The following PCDH15 variants were observed in gnomAD, a reference collection of about 807,000 sequenced individuals.
The protein encoded by PCDH15 is protocadherin related 15.
A neutral mutation model predicts 178.5 loss-of-function variants in PCDH15; 129 were observed. The observed-to-expected ratio is 0.72, with a 90% CI of 0.63 to 0.84. The LOEUF is 0.84. PCDH15 is among the 40% of genes least tolerant of loss of function. The probability of loss-of-function intolerance (pLI) is 0.00; values close to 1 mark genes in which losing one functional copy is unlikely to be tolerated. For synonymous variants in PCDH15, 800 were observed against 732.0 expected, an observed-to-expected ratio of 1.09 and a Z score of -1.50; for missense variants, 2,230 against 2,099.9, an observed-to-expected ratio of 1.06 and a Z score of -1.21.
At chr10:54,870,735 G>C (rs1017382090) in intron 3 of PCDH15, among the ~76,000 whole-genome samples, 4 of 151,938 alleles carry the variant, frequency 2.6e-5, no homozygotes, top group South Asian at 4.2e-4. Context: ...GCAGTGAGCC[G>C]AGATCGCACC....
At chr10:53,894,827 C>T (rs2081839890) in intron 26 of PCDH15, among the ~76,000 whole-genome samples, 1 of 152,128 alleles carries the variant, frequency 6.6e-6, no homozygotes, top group Admixed American at 6.6e-5. Flanking sequence ...ATCTGTGGCA[C>T]AGAGTGATGG....
chr10:54,227,351 T>C (rs1198903368), intron 9 of PCDH15, among the ~76,000 whole-genome samples: 2 of 152,260 alleles, frequency 1.3e-5, no homozygotes, highest in Non-Finnish European at 2.9e-5. Flanking sequence ...CTGCTGAAGC[T>C]TGGGGCTTAC....
chr10:53,877,666 T>C lies in PCDH15; in HGVS notation c.3502-10809A>G, dbSNP rs2080344358. On this transcript the variant is annotated intron_variant, in intron 26 of 37. Coordinates refer to ENST00000644397, the MANE Select transcript of PCDH15 (RefSeq NM_001384140.1). ...TGCTGTCCCTCTTCTGACTATCATA[T>C]GTGGTTCTCCTTCTGTTTTTTCTTT... Among the ~76,000 whole-genome samples, 3 of 152,268 alleles carry C rather than the reference T, an allele frequency of 2.0e-5. No individual in the cohort carries two copies. In the South Asian group the frequency reaches 6.2e-4, roughly 32 times the overall value.
At chr10:53,986,765 A>C (rs1198476175) in intron 21 of PCDH15, among the ~76,000 whole-genome samples, 1 of 152,244 alleles carries the variant, frequency 6.6e-6, no homozygotes, top group Non-Finnish European at 1.5e-5. Context: ...TGAGATATCT[A>C]AAATAGTCGT....
chr10:55,489,814 A>G (rs1840373601), intron 2 of PCDH15, among the ~76,000 whole-genome samples: 1 of 151,730 alleles, frequency 6.6e-6, no homozygotes, highest in East Asian at 1.9e-4. Flanking sequence ...ATAATGGCTC[A>G]AACAAGTAAA....
intron 3 of PCDH15, among the ~76,000 whole-genome samples, chr10:54,527,382 T>C (rs941810242): frequency 3.9e-5 from 6 of 152,140 alleles, no homozygotes; most frequent in Non-Finnish European, 8.8e-5. Context: ...TCAGTCACAA[T>C]CACCATGTCT....
chr10:54,396,735 T>C (rs1343160503), intron 3 of PCDH15, among the ~76,000 whole-genome samples: 1 of 152,112 alleles, frequency 6.6e-6, no homozygotes, highest in African/African-American at 2.4e-5. Flanking sequence ...TTGAAATATA[T>C]TTCATGTCAA....
At chr10:55,013,803 G>C (rs866526177) in intron 2 of PCDH15, among the ~76,000 whole-genome samples, 1 of 151,778 alleles carries the variant, frequency 6.6e-6, no homozygotes, top group African/African-American at 2.4e-5. Flanking sequence ...GCCCCAAATA[G>C]GTACTTAAAC....
intron 3 of PCDH15, among the ~76,000 whole-genome samples, chr10:54,824,553 A>G (rs1313306608): frequency 6.6e-6 from 1 of 152,136 alleles, no homozygotes; most frequent in Non-Finnish European, 1.5e-5. Context: ...AGAGGCCTCT[A>G]CTATGTGATA....
intron 2 of PCDH15, among the ~76,000 whole-genome samples, chr10:55,342,178 T>G (rs1365023104): frequency 1.3e-5 from 2 of 151,772 alleles, no homozygotes; most frequent in Non-Finnish European, 2.9e-5. Context: ...TTTCTATTTT[T>G]CCTTTGTTTT....
At chr10:54,912,505 G>T (rs895426207) in intron 2 of PCDH15, among the ~76,000 whole-genome samples, 1 of 152,092 alleles carries the variant, frequency 6.6e-6, no homozygotes, top group Admixed American at 6.6e-5. Context: ...CACCATGATT[G>T]TAAGTTTCTT....
At chr10:55,106,030 T>G (rs868198606) in intron 2 of PCDH15, among the ~76,000 whole-genome samples, 2 of 143,830 alleles carry the variant, frequency 1.4e-5, no homozygotes, top group Non-Finnish European at 3.1e-5. Context: ...GTATTATAAG[T>G]TTTTTTTTTT....
chr10:54,167,440 G>A (rs963996459), intron 13 of PCDH15, among the ~76,000 whole-genome samples: 3 of 152,070 alleles, frequency 2.0e-5, no homozygotes, highest in Non-Finnish European at 4.4e-5. Context: ...CTCCGGCGCC[G>A]GTCACGGACA....
chr10:54,997,279 T>G (rs1175953837), intron 2 of PCDH15, among the ~76,000 whole-genome samples: 1 of 152,126 alleles, frequency 6.6e-6, no homozygotes, highest in South Asian at 2.1e-4. Flanking sequence ...AGGTAAAAAC[T>G]ATTGGATCTT....
intron 2 of PCDH15, among the ~76,000 whole-genome samples, chr10:55,081,837 G>T (rs1273581537): frequency 6.6e-6 from 1 of 152,072 alleles, no homozygotes; most frequent in Non-Finnish European, 1.5e-5. Flanking sequence ...GACAAAGAAG[G>T]TCACTATATA....
At chr10:55,455,770 T>C (rs1332102585) in intron 2 of PCDH15, among the ~76,000 whole-genome samples, 1 of 152,136 alleles carries the variant, frequency 6.6e-6, no homozygotes, top group Non-Finnish European at 1.5e-5. Flanking sequence ...TTCAAATTAA[T>C]CTATTGATAT....
intron 2 of PCDH15, among the ~76,000 whole-genome samples, chr10:55,451,615 T>C (rs1839437435): frequency 6.6e-6 from 1 of 152,184 alleles, no homozygotes; most frequent in Non-Finnish European, 1.5e-5. Context: ...TAGTAAATAT[T>C]GTAAAAATGA....
chr10:55,287,738 G>A (rs916997389), intron 1 of PCDH15, among the ~76,000 whole-genome samples: 2 of 151,854 alleles, frequency 1.3e-5, no homozygotes, highest in African/African-American at 2.4e-5. Flanking sequence ...GTTCAATGGG[G>A]AAAATACTAT....
intron 16 of PCDH15, among the ~76,000 whole-genome samples, chr10:54,080,447 C>T (rs1325414110): frequency 6.6e-6 from 1 of 152,044 alleles, no homozygotes; most frequent in African/African-American, 2.4e-5. Flanking sequence ...TAACAAGTAT[C>T]CACTGTGTAG....
Sources: gnomAD v4.1 joint callset for allele counts (sites outside exome capture counted in the v4.1 genomes callset) on GRCh38, gnomAD v4.1.1 for gene constraint, MANE v1.5 for transcripts, NCBI Gene and HGNC (gene_info 2026-07-23, HGNC 2026-07-21) for gene names.